Variants in BORCS5 observed in about 807,000 individuals in gnomAD.
BORCS5 encodes the protein BLOC-1 related complex subunit 5.
In BORCS5, 17 loss-of-function variants were observed where a neutral mutation model predicts 22.1. The ratio of observed to expected loss-of-function variants is 0.77; its 90% confidence interval spans 0.53 to 1.15. The LOEUF is 1.15. Among genes scored for constraint, BORCS5 ranks in the 50% most tolerant of loss-of-function variants. The probability of loss-of-function intolerance (pLI) is 0.00; values close to 1 mark genes in which losing one functional copy is unlikely to be tolerated. For missense variants in BORCS5, 247 were observed against 253.2 expected (o/e 0.98, Z 0.17); for synonymous variants, 117 against 99.8 (o/e 1.17, Z -1.03).
In BORCS5 at chr12:12,467,976, C is replaced by T. The variant is rs899567446; in HGVS notation, c.*2200C>T. ...CAGACCCTGGGCCGGGTATGAGAAC[C>T]AGCTTCTTGGTCTGCAGCCACAAGG... is the stretch of plus-strand genomic sequence containing the variant. On this transcript the variant is annotated 3_prime_UTR_variant, in exon 4 of 4. Coordinates refer to ENST00000314565, the MANE Select transcript of BORCS5 (RefSeq NM_058169.6). 6.6e-6 allele frequency: 1 copy of T among 152,226 alleles called. No homozygotes were observed. The highest frequency in any genetic ancestry group is 1.9e-4 in the East Asian group (1 of 5,196). The allele number at this position is 152,226 out of a possible 1,614,324, so 9.4% of individuals were successfully genotyped here.
chr12:12,375,194 A>G (rs918659696), intron 2 of BORCS5, among the ~76,000 whole-genome samples: 13 of 151,962 alleles, frequency 8.6e-5, no homozygotes, highest in South Asian at 2.1e-4. Context: ...GTATTTTTTT[A>G]TAGAGACAAT....
rs535565458 is a variant in BORCS5 at position 12,400,250 on chromosome 12, A to G, written c.203-35378A>G. 3.3e-5 allele frequency among the ~76,000 whole-genome samples: 5 copies of G among 152,298 alleles called. No individual in the cohort carries two copies. The South Asian group carries it at 1.0e-3, about 32-fold the overall frequency. On this transcript the variant is annotated intron_variant, in intron 2 of 3. Coordinates refer to ENST00000314565, the MANE Select transcript of BORCS5 (RefSeq NM_058169.6). ...ATTCAGTGAAAATCTTGTTTTTATC[A>G]CAGGCTATTTCTCTGAGCAGCCAAT...
intron 2 of BORCS5, among the ~76,000 whole-genome samples, chr12:12,400,518 G>A (rs1386513758): frequency 2.0e-5 from 3 of 151,124 alleles, no homozygotes; most frequent in Non-Finnish European, 2.9e-5. Context: ...TGGATAGGAT[G>A]CCTTGTCCTC....
At chr12:12,429,281 A>G (rs986951768) in intron 2 of BORCS5, among the ~76,000 whole-genome samples, 9 of 152,332 alleles carry the variant, frequency 5.9e-5, no homozygotes, top group Middle Eastern at 6.8e-3. Flanking sequence ...GTAGCTATCA[A>G]TACGAGAGGG....
rs956517882 is a variant in BORCS5 at position 12,389,218 on chromosome 12, A to C, written c.202+27869A>C. On this transcript the variant is annotated intron_variant, in intron 2 of 3. Coordinates refer to ENST00000314565, the MANE Select transcript of BORCS5 (RefSeq NM_058169.6). ...AATGGTGCGATCTCGGCTTACTGCA[A>C]ACTTTGCCTCCCAGGTTCAAGGGAT... Among the ~76,000 whole-genome samples the C allele has an allele frequency of 6.8e-5, 10 of 147,080 alleles. 1 individual carries two copies. Among genetic ancestry groups the C allele is most frequent in the Admixed American group, 5.5e-4 (8 of 14,456 alleles).
chr12:12,440,077 G>A (rs1276084609), intron 3 of BORCS5, among the ~76,000 whole-genome samples: 1 of 152,116 alleles, frequency 6.6e-6, no homozygotes, highest in South Asian at 2.1e-4. Context: ...GTATATAACC[G>A]GGATCAACTA....
At chr12:12,359,058 C>G (rs534389023) in intron 1 of BORCS5, among the ~76,000 whole-genome samples, 3 of 152,214 alleles carry the variant, frequency 2.0e-5, no homozygotes, top group Admixed American at 6.5e-5. Context: ...TCATTCTTGT[C>G]CCAGTCTGGA....
chr12:12,422,550 G>A lies in BORCS5; in HGVS notation c.203-13078G>A, dbSNP rs372810838. ...CAGGAGGCAGAGGTTGCAGTGAGCCGAGATCGTGGCACTGCACTCCAGCCT... is the reference window on the plus strand; with the variant it reads ...CAGGAGGCAGAGGTTGCAGTGAGCCAAGATCGTGGCACTGCACTCCAGCCT... On this transcript the variant is annotated intron_variant, in intron 2 of 3. Transcript: ENST00000314565. Among the ~76,000 whole-genome samples the A allele has an allele frequency of 7.2e-5, 11 of 151,948 alleles. No individual in the cohort carries two copies. The South Asian group carries it at 8.3e-4, about 11-fold the overall frequency.
At chr12:12,396,063 C>T (rs947694183) in intron 2 of BORCS5, among the ~76,000 whole-genome samples, 1 of 152,020 alleles carries the variant, frequency 6.6e-6, no homozygotes, top group Non-Finnish European at 1.5e-5. Flanking sequence ...GGCACCATCT[C>T]GGCTCACTCC....
chr12:12,382,285 CAG>C (rs1863790268), intron 2 of BORCS5, among the ~76,000 whole-genome samples: 1 of 151,038 alleles, frequency 6.6e-6, no homozygotes, highest in Admixed American at 6.6e-5. Flanking sequence ...GAGAGGGAGA[CAG>C]AGGTGGGGGA....
chr12:12,373,382 A>G (rs1282841540), intron 2 of BORCS5, among the ~76,000 whole-genome samples: 1 of 152,144 alleles, frequency 6.6e-6, no homozygotes. Flanking sequence ...CCTCTTGGAA[A>G]CTGCCTTTAG....
intron 2 of BORCS5, among the ~76,000 whole-genome samples, chr12:12,373,981 CTTTTTTTTTT>C (rs926893487): frequency 3.3e-5 from 3 of 89,792 alleles, no homozygotes; most frequent in Admixed American, 1.3e-4. Flanking sequence ...AGAGAGTATT[CTTTTTTTTTT>C]TTTTTTTTTT....
intron 2 of BORCS5, among the ~76,000 whole-genome samples, chr12:12,367,871 G>A (rs967348413): frequency 6.6e-6 from 1 of 151,946 alleles, no homozygotes; most frequent in African/African-American, 2.4e-5. Context: ...TTTTTGTCTC[G>A]CAACTAGCTT....
chr12:12,467,650 G>A lies in BORCS5; in HGVS notation c.*1874G>A, dbSNP rs896037857. ...ATACTCCCGGAAAGAATTCTAGTTA[G>A]TTTAATATTTTGATGGCATGTTGTG... On this transcript the variant is annotated 3_prime_UTR_variant, in exon 4 of 4. Transcript: ENST00000314565. The A allele has an allele frequency of 1.3e-5, 2 of 152,250 alleles. No individual in the cohort carries two copies. The highest frequency in any genetic ancestry group is 2.9e-5 in the Non-Finnish European group (2 of 68,046). 9.4% of individuals were successfully genotyped at this position (152,250 alleles called of 1,614,324 possible).
intron 2 of BORCS5, among the ~76,000 whole-genome samples, chr12:12,430,982 G>A (rs981211117): frequency 6.6e-6 from 1 of 152,064 alleles, no homozygotes; most frequent in Non-Finnish European, 1.5e-5. Flanking sequence ...TCTATTCAGG[G>A]ACATTGTGGT....
At chr12:12,374,572 C>G (rs1165581970) in intron 2 of BORCS5, among the ~76,000 whole-genome samples, 1 of 151,626 alleles carries the variant, frequency 6.6e-6, no homozygotes, top group Non-Finnish European at 1.5e-5. Context: ...CCTGGGAGGT[C>G]GAGCGGTGTT....
chr12:12,376,121 C>T (rs1186451556), intron 2 of BORCS5, among the ~76,000 whole-genome samples: 2 of 151,246 alleles, frequency 1.3e-5, no homozygotes, highest in African/African-American at 4.9e-5. Context: ...TGTCTCTAAA[C>T]ATTTTTAGCA....
chr12:12,369,768 A>G (rs1379867760), intron 2 of BORCS5, among the ~76,000 whole-genome samples: 3 of 114,194 alleles, frequency 2.6e-5, no homozygotes. Flanking sequence ...TCTGTGGCCC[A>G]GGAGGGAGTG....
chr12:12,429,798 C>G (rs990508424), intron 2 of BORCS5, among the ~76,000 whole-genome samples: 1 of 152,162 alleles, frequency 6.6e-6, no homozygotes, highest in African/African-American at 2.4e-5. Flanking sequence ...CTTGGGCTGG[C>G]CCTGTAGCCT....
Sources: gnomAD v4.1 joint callset for allele counts (sites outside exome capture counted in the v4.1 genomes callset) on GRCh38, gnomAD v4.1.1 for gene constraint, MANE v1.5 for transcripts, NCBI Gene and HGNC (gene_info 2026-07-23, HGNC 2026-07-21) for gene names.